The following GALNT17 variants were observed in gnomAD, a reference collection of about 807,000 sequenced individuals.
GALNT17 encodes the protein polypeptide N-acetylgalactosaminyltransferase 17.
GALNT17 carries 29 observed loss-of-function variants against 63.7 expected under a neutral mutation model. That is an observed-to-expected ratio of 0.46 (90% CI 0.34 to 0.62). The LOEUF (loss-of-function observed/expected upper bound fraction) is 0.62. GALNT17 is among the 20% of genes least tolerant of loss of function. The pLI is 0.01. For missense variants in GALNT17, 603 were observed against 799.6 expected, an observed-to-expected ratio of 0.75 and a Z score of 2.97; for synonymous variants, 305 against 318.3, an observed-to-expected ratio of 0.96 and a Z score of 0.45.
Position 71,600,736 on chromosome 7 carries a change from TTTTG to T in GALNT17, c.1080+29350_1080+29353del, listed in dbSNP as rs201329710. 9.8e-5 allele frequency among the ~76,000 whole-genome samples: 14 copies of T among 142,596 alleles called. 1 individual carries two copies. Among genetic ancestry groups the T allele is most frequent in the South Asian group, 7.2e-4 (3 of 4,164 alleles). The allele number at this position is 142,596 out of a possible 152,430, so 93.5% of individuals were successfully genotyped here. ...TGTACCTTGGAGAGTAATTTTGGTTTTTTGTTTGTTTGTTTGTTTTTTCACTCTT... is the reference window on the plus strand; with the variant it reads ...TGTACCTTGGAGAGTAATTTTGGTTTTTTGTTTGTTTGTTTTTTCACTCTT... On this transcript the variant is annotated intron_variant, in intron 6 of 10. Transcript: ENST00000333538.
chr7:71,386,856 G>A (rs1023299879), intron 2 of GALNT17, among the ~76,000 whole-genome samples: 6 of 152,014 alleles, frequency 3.9e-5, no homozygotes, highest in African/African-American at 1.2e-4. Context: ...TATTGGCGTG[G>A]GTGTTTTATT....
At chr7:71,293,270 G>T (rs1298796189) in intron 1 of GALNT17, among the ~76,000 whole-genome samples, 1 of 152,048 alleles carries the variant, frequency 6.6e-6, no homozygotes, top group African/African-American at 2.4e-5. Flanking sequence ...TTTTTGGGGG[G>T]AACCACTATA....
At chr7:71,651,819 C>T (rs1436820602) in intron 6 of GALNT17, among the ~76,000 whole-genome samples, 1 of 152,142 alleles carries the variant, frequency 6.6e-6, no homozygotes, top group East Asian at 1.9e-4. Context: ...TCAAGTGATC[C>T]TCCTACCTCA....
chr7:71,404,487 C>T (rs1793292832), intron 3 of GALNT17, among the ~76,000 whole-genome samples: 1 of 152,138 alleles, frequency 6.6e-6, no homozygotes, highest in Non-Finnish European at 1.5e-5. Context: ...TTTGCTCCAG[C>T]CCATAGTCAG....
chr7:71,239,928 C>T (rs1022578390), intron 1 of GALNT17, among the ~76,000 whole-genome samples: 1 of 152,140 alleles, frequency 6.6e-6, no homozygotes, highest in South Asian at 2.1e-4. Flanking sequence ...GTTTGCAGAG[C>T]TTATTAAAAA....
In GALNT17 at chr7:71,314,141, A is replaced by G. The variant is rs148817723; in HGVS notation, c.239-21409A>G. ...TTCTGTCTTTACAAAACCAAACGCA[A>G]TTGAAATATTTTTTTATGTGTAATT... On this transcript the variant is annotated intron_variant, in intron 1 of 10. Coordinates refer to ENST00000333538, the MANE Select transcript of GALNT17 (RefSeq NM_022479.3). 4.2e-3 allele frequency among the ~76,000 whole-genome samples: 634 copies of G among 152,266 alleles called. 8 individuals are homozygous for G. Among genetic ancestry groups the G allele is most frequent in the African/African-American group, 0.014 (602 of 41,554 alleles).
At chr7:71,451,892 T>G (rs1178863304) in intron 5 of GALNT17, among the ~76,000 whole-genome samples, 2 of 152,178 alleles carry the variant, frequency 1.3e-5, no homozygotes, top group South Asian at 2.1e-4. Context: ...TTGTGGTTTT[T>G]TTTGTTTGTT....
chr7:71,176,689 C>G (rs1445149656), intron 1 of GALNT17, among the ~76,000 whole-genome samples: 2 of 152,158 alleles, frequency 1.3e-5, no homozygotes, highest in Middle Eastern at 3.4e-3. Flanking sequence ...TGCTAGCCTC[C>G]CTGGGTCCCT....
chr7:71,335,769 G>T, intron 2 of GALNT17, 36 bp downstream of exon 2: 1 of 1,548,728 alleles, frequency 6.5e-7, no homozygotes, highest in Non-Finnish European at 8.7e-7. Flanking sequence ...GAGCTTGATG[G>T]GTCGTCAGAG....
rs563881458 is a variant in GALNT17, at chr7:71,617,915, G to T, written c.1080+46513G>T. On this transcript the variant is annotated intron_variant, in intron 6 of 10. Coordinates refer to ENST00000333538, the MANE Select transcript of GALNT17 (RefSeq NM_022479.3). ...ACCCACCTTGACCTCCTAAAGTGCT[G>T]GGATTAGAGGTATGAGCCACTGCGC... is the stretch of plus-strand genomic sequence containing the variant. 6.0e-4 allele frequency among the ~76,000 whole-genome samples: 91 copies of T among 152,148 alleles called. 1 individual carries two copies. Among genetic ancestry groups the T allele is most frequent in the African/African-American group, 2.1e-3 (89 of 41,476 alleles).
At chr7:71,378,987 G>A (rs748470311) in intron 2 of GALNT17, among the ~76,000 whole-genome samples, 2 of 152,130 alleles carry the variant, frequency 1.3e-5, no homozygotes, top group Non-Finnish European at 1.5e-5. Context: ...GGGCGACAGA[G>A]CAAAACCCTA....
chr7:71,666,598 C>A (rs1319348960), intron 7 of GALNT17, among the ~76,000 whole-genome samples: 2 of 151,866 alleles, frequency 1.3e-5, no homozygotes, highest in Admixed American at 6.6e-5. Context: ...TTGTATCGTT[C>A]TTATACCTTT....
chr7:71,594,022 A>AT (rs11390465), intron 6 of GALNT17, among the ~76,000 whole-genome samples: 150,794 of 151,024 alleles, frequency 1, 75,283 homozygotes, highest in South Asian at 1. Flanking sequence ...AAAAGCTATC[A>AT]TTTTTTTTTA....
chr7:71,627,808 C>T (rs532564118), intron 6 of GALNT17, among the ~76,000 whole-genome samples: 11 of 152,264 alleles, frequency 7.2e-5, no homozygotes, highest in Middle Eastern at 3.4e-3. Flanking sequence ...AATGCCCCCC[C>T]GCCCCATAGA....
chr7:71,311,744 T>C (rs951402695), intron 1 of GALNT17, among the ~76,000 whole-genome samples: 1 of 152,150 alleles, frequency 6.6e-6, no homozygotes, highest in Non-Finnish European at 1.5e-5. Context: ...TCATTAGGGA[T>C]GTGGATGGGT....
intron 3 of GALNT17, among the ~76,000 whole-genome samples, chr7:71,401,672 T>C (rs1168673085): frequency 6.6e-6 from 1 of 152,124 alleles, no homozygotes; most frequent in African/African-American, 2.4e-5. Flanking sequence ...TGAACCCTAT[T>C]GTGAGCTGCA....
chr7:71,205,777 C>T (rs1279010258), intron 1 of GALNT17, among the ~76,000 whole-genome samples: 1 of 152,058 alleles, frequency 6.6e-6, no homozygotes, highest in East Asian at 1.9e-4. Context: ...AGGATTTCTG[C>T]ATATTATTAT....
intron 5 of GALNT17, among the ~76,000 whole-genome samples, chr7:71,426,570 A>T (rs1786764414): frequency 6.6e-6 from 1 of 152,148 alleles, no homozygotes; most frequent in Admixed American, 6.6e-5. Context: ...GCTTTTGAGG[A>T]GGCCTCATAG....
chr7:71,469,884 G>A (rs548263289), intron 5 of GALNT17, among the ~76,000 whole-genome samples: 58 of 152,274 alleles, frequency 3.8e-4, no homozygotes, highest in African/African-American at 1.4e-3. Flanking sequence ...TAAAATGTTG[G>A]TCTCAAGATA....
Sources: gnomAD v4.1 joint callset for allele counts (sites outside exome capture counted in the v4.1 genomes callset) on GRCh38, gnomAD v4.1.1 for gene constraint, MANE v1.5 for transcripts, NCBI Gene and HGNC (gene_info 2026-07-23, HGNC 2026-07-21) for gene names.